The following DGAT2 variants were observed in gnomAD, a reference collection of about 807,000 sequenced individuals.
The protein encoded by DGAT2 is acyl-CoA retinol O-fatty-acyltransferase.
Under a neutral mutation model 48.4 loss-of-function variants are expected in DGAT2, and 33 were observed. The ratio of observed to expected loss-of-function variants is 0.68; its 90% CI spans 0.52 to 0.91. DGAT2 has a LOEUF of 0.91. Ranked by LOEUF, DGAT2 falls within the 40% of genes least tolerant of loss-of-function variation. The pLI, the probability that DGAT2 is intolerant of heterozygous loss-of-function variation, is 0.00. For synonymous variants in DGAT2, 191 were observed against 194.1 expected (o/e 0.98, Z 0.13); for missense variants, 446 against 493.7 (o/e 0.90, Z 0.92).
At chr11:75,775,443 C>A (rs1944795080) in intron 1 of DGAT2, among the ~76,000 whole-genome samples, 1 of 152,224 alleles carries the variant, frequency 6.6e-6, no homozygotes, top group South Asian at 2.1e-4. Context: ...AAGGATACCT[C>A]ATTTGCAAAA....
Position 75,779,093 on chromosome 11 carries a change from G to A in DGAT2, c.122-5525G>A, listed in dbSNP as rs114123809. On this transcript the variant is annotated intron_variant, in intron 1 of 7. Transcript: ENST00000228027. The stretch of plus-strand genomic sequence containing the variant: ...ATCAGCCCCGAGGTGTGGCCTTCCT[G>A]GTCACTTTGATATCAGATATTGGGC... 5.0e-3 allele frequency among the ~76,000 whole-genome samples: 754 copies of A among 152,188 alleles called. 7 individuals are homozygous for A. Among genetic ancestry groups the A allele is most frequent in the African/African-American group, 0.018 (727 of 41,510 alleles).
At chr11:75,779,882 C>G (rs1257894985) in intron 1 of DGAT2, among the ~76,000 whole-genome samples, 3 of 152,200 alleles carry the variant, frequency 2.0e-5, no homozygotes, top group African/African-American at 7.2e-5. Context: ...GCCAGGCAGC[C>G]CAGTCTAACT....
intron 4 of DGAT2, chr11:75,793,617 G>C (rs921427973): frequency 6.6e-6 from 1 of 152,266 alleles, no homozygotes; most frequent in African/African-American, 2.4e-5. Context: ...GCCAGCCCAT[G>C]CAGTGCTGTG....
At chr11:75,784,524 C>A in intron 1 of DGAT2, 94 bp from the exon 2 acceptor site, 1 of 1,528,384 alleles carries the variant, frequency 6.5e-7, no homozygotes, top group South Asian at 1.2e-5. Context: ...CTTCTCATAT[C>A]TAGAAGGGTA....
intron 1 of DGAT2, among the ~76,000 whole-genome samples, chr11:75,771,263 T>C (rs1394065580): frequency 6.6e-6 from 1 of 152,180 alleles, no homozygotes; most frequent in African/African-American, 2.4e-5. Flanking sequence ...AGGGCTGTCC[T>C]GTGCCAGACG....
Position 75,800,362 on chromosome 11 carries a change from C to T in DGAT2, c.1021C>T (p.Pro341Ser). ...CTGCCCTGTCCCTGCAGTGGGAGAG[C>T]CCATCACCATCCCCAAGCTGGAGCA... ...SKPITTVVGE[P>S]ITIPKLEHPT... Residue 341 changes from proline (P) to serine (S), a missense_variant, in exon 8 of 8, where the codon CCC becomes TCC. Pro to Ser is a moderately conservative substitution (Grantham distance 74, BLOSUM62 -1). Transcript: ENST00000228027. 6.2e-7 allele frequency: 1 copy of T among 1,614,076 alleles called. No individual in the cohort carries two copies. The highest frequency in any genetic ancestry group is 1.1e-5 in the South Asian group (1 of 91,080).
rs749905767 is a variant in DGAT2, at chr11:75,798,350, A to G, written c.933A>G (p.Pro311=). The G allele has an allele frequency of 3.1e-6, 5 of 1,614,168 alleles. No individual in the cohort carries two copies. In the East Asian group the frequency reaches 8.9e-5, roughly 29 times the overall value. ...TCCAGAAATACATTGGTTTCGCCCC[A>G]TGCATCTTCCATGGTCGAGGCCTCT... The part of the protein sequence containing the change: ...KKFQKYIGFA[P]CIFHGRGLFS... The change falls in exon 7 of 8, where the codon CCA becomes CCG. Residue 311 remains proline, a synonymous_variant. Transcript: ENST00000228027.
At chr11:75,790,436 G>A in intron 3 of DGAT2, 141 bp downstream of exon 3, 1 of 840,084 alleles carries the variant, frequency 1.2e-6, no homozygotes, top group Non-Finnish European at 2.0e-6. Context: ...TTTGGGGGGA[G>A]GTTAAAAGCC....
At chr11:75,770,618 C>A (rs980528742) in intron 1 of DGAT2, among the ~76,000 whole-genome samples, 1 of 152,168 alleles carries the variant, frequency 6.6e-6, no homozygotes, top group Admixed American at 6.5e-5. Flanking sequence ...GACCCCATTC[C>A]GTCGGCTCTG....
chr11:75,791,562 T>G lies in DGAT2; in HGVS notation c.429+831T>G, dbSNP rs147278734. ...AGAGATGGGCAGGACTTGTCCAGGCTGCATAGTCTAGTATGATGGCAACAT... is the reference window on the plus strand; with the variant it reads ...AGAGATGGGCAGGACTTGTCCAGGCGGCATAGTCTAGTATGATGGCAACAT... On this transcript the variant is annotated intron_variant, in intron 4 of 7. Coordinates refer to ENST00000228027, the MANE Select transcript of DGAT2 (RefSeq NM_032564.5). Among the ~76,000 whole-genome samples the G allele has an allele frequency of 3.6e-3, 551 of 152,322 alleles. 5 individuals carry two copies. Among genetic ancestry groups the G allele is most frequent in the Non-Finnish European group, 6.2e-3 (421 of 68,030 alleles).
At chr11:75,779,967 C>A (rs1401286598) in intron 1 of DGAT2, among the ~76,000 whole-genome samples, 1 of 152,218 alleles carries the variant, frequency 6.6e-6, no homozygotes, top group Admixed American at 6.5e-5. Context: ...ATGCAGTAAA[C>A]CTCTATGAGC....
chr11:75,790,508 A>G (rs1338014745), intron 3 of DGAT2, among the ~76,000 whole-genome samples, 153 bp from the exon 4 acceptor site: 1 of 152,180 alleles, frequency 6.6e-6, no homozygotes, highest in African/African-American at 2.4e-5. Flanking sequence ...TTTGCATAAC[A>G]TGAAGGAATG....
At chr11:75,781,237 CCTT>C (rs1944859697) in intron 1 of DGAT2, among the ~76,000 whole-genome samples, 1 of 152,246 alleles carries the variant, frequency 6.6e-6, no homozygotes, top group Non-Finnish European at 1.5e-5. Flanking sequence ...GAAGGAAAGG[CCTT>C]CTCTTTCCAA....
Position 75,801,390 on chromosome 11 carries a change from C to T in DGAT2, c.*882C>T, listed in dbSNP as rs1490411923. On this transcript the variant is annotated 3_prime_UTR_variant, in exon 8 of 8. Transcript: ENST00000228027. ...AAGCAGGTGGCCCCCGAACCCAAGC[C>T]TCACTTTTCTGTGCCTTCCTGAGGG... 4 of 152,674 alleles carry T rather than the reference C, an allele frequency of 2.6e-5. No individual in the cohort carries two copies. Among genetic ancestry groups the T allele is most frequent in the Non-Finnish European group, 2.9e-5 (2 of 68,100 alleles). The allele number at this position is 152,674 out of a possible 1,614,324, so 9.5% of individuals were successfully genotyped here.
At chr11:75,771,087 A>G (rs1365195419) in intron 1 of DGAT2, among the ~76,000 whole-genome samples, 3 of 152,172 alleles carry the variant, frequency 2.0e-5, no homozygotes, top group Non-Finnish European at 2.9e-5. Context: ...ATTCAAGTAG[A>G]GACCATGGAT....
chr11:75,778,064 C>T (rs1680930224), intron 1 of DGAT2, among the ~76,000 whole-genome samples: 1 of 152,206 alleles, frequency 6.6e-6, no homozygotes, highest in Non-Finnish European at 1.5e-5. Flanking sequence ...CTAGTATTAG[C>T]GCTTAGTACC....
chr11:75,798,521 C>T, intron 7 of DGAT2, 92 bp downstream of exon 7: 1 of 1,416,074 alleles, frequency 7.1e-7, no homozygotes, highest in Non-Finnish European at 9.7e-7. Context: ...ATGCAGGCCA[C>T]CTGGCTCTGA....
intron 2 of DGAT2, among the ~76,000 whole-genome samples, chr11:75,788,409 C>T (rs933719829): frequency 3.3e-5 from 5 of 152,180 alleles, no homozygotes; most frequent in African/African-American, 4.8e-5. Context: ...TTCCCTTCTG[C>T]GATGTCACAC....
At chr11:75,796,741 C>T (rs868144776) in intron 5 of DGAT2, 2 of 588,982 alleles carry the variant, frequency 3.4e-6, no homozygotes. Context: ...AACATCTTCC[C>T]TAGGAGGCCT....
Sources: gnomAD v4.1 joint callset for allele counts (sites outside exome capture counted in the v4.1 genomes callset) on GRCh38, gnomAD v4.1.1 for gene constraint, MANE v1.5 for transcripts, NCBI Gene and HGNC (gene_info 2026-07-23, HGNC 2026-07-21) for gene names.